The following FASN variants were observed in gnomAD, a reference collection of about 807,000 sequenced individuals.
The protein encoded by FASN is fatty acid synthase.
A neutral mutation model predicts 250.0 loss-of-function variants in FASN; 50 were observed. The ratio of observed to expected loss-of-function variants is 0.20; its 90% CI spans 0.16 to 0.25. The LOEUF is 0.25. FASN is among the 10% of genes least tolerant of loss of function. The pLI is 1.00. For synonymous variants in FASN, 1,909 were observed against 1,584.0 expected (o/e 1.21, Z -4.87); for missense variants, 3,031 against 3,498.5 (o/e 0.87, Z 3.37).
Position 82,082,916 on chromosome 17 carries a change from G to A in FASN, c.5765C>T (p.Thr1922Ile). 1 of 1,612,710 alleles carries A rather than the reference G, an allele frequency of 6.2e-7. No individual in the cohort carries two copies. The highest frequency in any genetic ancestry group is 8.5e-7 in the Non-Finnish European group (1 of 1,179,948). The change falls in exon 33 of 43, where the codon ACA becomes ATA. Residue 1922 changes from threonine (T) to isoleucine (I), a missense_variant and splice_region_variant. Thr to Ile is a moderately conservative substitution (Grantham distance 89). Transcript: ENST00000306749. ...LVLTSRSGIR[T>I]GYQAKQVRRW... ...CACAAGCACCCCTGCCGACTCACCTGTCCGGATCCCGGAGCGAGAAGTCAA... is the reference window on the plus strand; with the variant it reads ...CACAAGCACCCCTGCCGACTCACCTATCCGGATCCCGGAGCGAGAAGTCAA...
Position 82,079,282 on chromosome 17 carries a change from T to C in FASN, c.7399-2A>G. 6.2e-7 allele frequency: 1 copy of C among 1,612,988 alleles called. No homozygotes were observed. Among genetic ancestry groups the C allele is most frequent in the Non-Finnish European group, 8.5e-7 (1 of 1,179,922 alleles). On this transcript the variant is annotated splice_acceptor_variant, in intron 42 of 42. Transcript: ENST00000306749. LOFTEE classifies it high-confidence loss of function. ...GACGGATACTTTCCCGTCGCATACCTGCAGGGGATGCGATCAGCTGCCGTC... is the reference window on the plus strand; with the variant it reads ...GACGGATACTTTCCCGTCGCATACCCGCAGGGGATGCGATCAGCTGCCGTC...
chr17:82,097,371 G>A (rs1185349359), intron 1 of FASN: 2 of 152,358 alleles, frequency 1.3e-5, no homozygotes, highest in Non-Finnish European at 2.9e-5. Context: ...GGGGGGAGGG[G>A]GCGGAGGCCA....
At chr17:82,082,201 A>C (rs1222218191) in intron 35 of FASN, 41 bp from the exon 36 acceptor site, 1 of 1,600,936 alleles carries the variant, frequency 6.2e-7, no homozygotes. Flanking sequence ...CAGCATCCCC[A>C]GGAGCCCCCA....
chr17:82,090,825 G>C (rs905351004), intron 10 of FASN, 57 bp downstream of exon 10: 1 of 1,540,478 alleles, frequency 6.5e-7, no homozygotes, highest in East Asian at 2.4e-5. Flanking sequence ...CTGGGCTCCA[G>C]GGAAAGCCAG....
intron 41 of FASN, 116 bp downstream of exon 41, chr17:82,080,024 G>A: frequency 8.8e-7 from 1 of 1,137,012 alleles, no homozygotes; most frequent in East Asian, 2.4e-5. Context: ...GGCTATTAAA[G>A]GGGTGAAGTT....
At chr17:82,094,217 C>G (rs914020687) in intron 3 of FASN, 3 of 277,514 alleles carry the variant, frequency 1.1e-5, no homozygotes, top group African/African-American at 2.2e-5. Context: ...GATAAGGAAC[C>G]GAGGAGACAA....
rs911134616 is a variant in FASN, at chr17:82,079,998, G to T, written c.7146+142C>A. Reference sequence around the variant, plus strand: ...GCCGGGATTACAGGCATGAGCAACCGCATCCGGCCGGGATCGGCTATTAAA... The same window carrying T: ...GCCGGGATTACAGGCATGAGCAACCTCATCCGGCCGGGATCGGCTATTAAA... On this transcript the variant is annotated intron_variant, in intron 41 of 42. Coordinates refer to ENST00000306749, the MANE Select transcript of FASN (RefSeq NM_004104.5). 5 of 934,150 alleles carry T rather than the reference G, an allele frequency of 5.4e-6. No homozygotes were observed. In the East Asian group the frequency reaches 1.3e-4, roughly 24 times the overall value. The allele number at this position is 934,150 out of a possible 1,614,324, so 57.9% of individuals were successfully genotyped here. A position where few individuals can be genotyped will look rare whatever the true frequency, so the allele number is the denominator to read the frequency against.
Position 82,085,297 on chromosome 17 carries a change from C to T in FASN, c.4228G>A (p.Asp1410Asn), listed in dbSNP as rs1362591617. 1 of 1,611,408 alleles carries T rather than the reference C, an allele frequency of 6.2e-7. No homozygotes were observed. Among genetic ancestry groups the T allele is most frequent in the Non-Finnish European group, 8.5e-7 (1 of 1,179,478 alleles). ...TCCACCGGCAGGAAGATGGGGCTGT[C>T]CTGCGGGGTGGGCCGGCGGCACAGG... is the stretch of plus-strand genomic sequence containing the variant. ...LFLCRRPTPQ[D>N]SPIFLPVDDT... Residue 1410 changes from aspartate to asparagine, a missense_variant, in exon 24 of 43, where the codon GAC becomes AAC. Transcript: ENST00000306749.
chr17:82,085,660 C>T lies in FASN; in HGVS notation c.3944G>A (p.Cys1315Tyr). 6.9e-6 allele frequency: 11 copies of T among 1,591,120 alleles called. No homozygotes were observed. Among genetic ancestry groups the T allele is most frequent in the Non-Finnish European group, 9.4e-6 (11 of 1,169,646 alleles). The stretch of plus-strand genomic sequence containing the variant: ...CCCGAGGGCAGCCACAGCACAGTTG[C>T]ACACCAGGAGGTCGGCGCTGCCCAG... ...SALGSADLLV[C>Y]NCAVAALGDP... Residue 1315 changes from cysteine (C) to tyrosine (Y), a missense_variant, in exon 23 of 43, where the codon TGC becomes TAC. Physicochemically the swap from Cys to Tyr is radical, Grantham distance 194 (BLOSUM62 -2). Coordinates refer to ENST00000306749, the MANE Select transcript of FASN (RefSeq NM_004104.5).
At position 82,079,548 on chromosome 17, in the gene FASN, G is replaced by C; in HGVS notation, c.7207C>G (p.Leu2403Val). The change falls in exon 42 of 43, where the codon CTG becomes GTG. Residue 2403 changes from leucine to valine, a missense_variant. Physicochemically the swap from Leu to Val is conservative, Grantham distance 32 (BLOSUM62 1). Transcript: ENST00000306749. Reference protein sequence around the residue: ...LEERVAAAVDLIIKSHQGLDR... With the variant: ...LEERVAAAVDVIIKSHQGLDR... ...AGGCCCTGGTGGCTCTTGATGATCA[G>C]GTCCACGGCGGCTGCCACACGCTCC... The C allele has an allele frequency of 6.2e-7, 1 of 1,608,154 alleles. No homozygotes were observed.
chr17:82,083,903 A>T lies in FASN; in HGVS notation c.5099-12T>A. ...CTTCTCAGCCGACCCTGGTGAAGAGAGGAAGCGCGGCTGGTGAGCCAGGGC... is the reference window on the plus strand; with the variant it reads ...CTTCTCAGCCGACCCTGGTGAAGAGTGGAAGCGCGGCTGGTGAGCCAGGGC... On this transcript the variant is annotated splice_polypyrimidine_tract_variant and intron_variant, in intron 29 of 42. Coordinates refer to ENST00000306749, the MANE Select transcript of FASN (RefSeq NM_004104.5). 6.4e-7 allele frequency: 1 copy of T among 1,558,910 alleles called. No homozygotes were observed. Among genetic ancestry groups the T allele is most frequent in the Non-Finnish European group, 8.7e-7 (1 of 1,151,388 alleles).
chr17:82,090,275 C>G (rs1025010927), intron 11 of FASN, 100 bp downstream of exon 11: 3 of 1,247,804 alleles, frequency 2.4e-6, no homozygotes, highest in Admixed American at 2.3e-5. Context: ...GGGGGCCACT[C>G]TATCCTACGG....
At position 82,087,169 on chromosome 17, in the gene FASN, G is replaced by A. The variant is rs1260842268; in HGVS notation, c.3308C>T (p.Pro1103Leu). The A allele has an allele frequency of 1.2e-6, 2 of 1,609,604 alleles. No individual in the cohort carries two copies. Among genetic ancestry groups the A allele is most frequent in the South Asian group, 1.1e-5 (1 of 90,474 alleles). ...HISGLHTESA[P>L]RRQQEQQVPI... Reference sequence around the variant, plus strand: ...CACCTGCTGCTCCTGCTGCCGCCGCGGGGCCGACTCAGTGTGGAGCCCGGA... The same window carrying A: ...CACCTGCTGCTCCTGCTGCCGCCGCAGGGCCGACTCAGTGTGGAGCCCGGA... The change falls in exon 21 of 43, where the codon CCG (proline) becomes CTG (leucine). Residue 1103 changes from proline to leucine, a missense_variant. Coordinates refer to ENST00000306749, the MANE Select transcript of FASN (RefSeq NM_004104.5).
Position 82,087,945 on chromosome 17 carries a change from C to T in FASN, c.2866+9G>A. ...CCTCCGCAGCTCCCGTGCCACCGGCCCTGCTTACCACTCACTACCAGGTTG... is the reference window on the plus strand; with the variant it reads ...CCTCCGCAGCTCCCGTGCCACCGGCTCTGCTTACCACTCACTACCAGGTTG... On this transcript the variant is annotated intron_variant, in intron 18 of 42. Transcript: ENST00000306749. 1.2e-6 allele frequency: 2 copies of T among 1,612,666 alleles called. No individual in the cohort carries two copies. The highest frequency in any genetic ancestry group is 8.5e-7 in the Non-Finnish European group (1 of 1,179,924).
Position 82,083,863 on chromosome 17 carries a change from C to G in FASN, c.5127G>C (p.Gln1709His). ...VGSAEKRAYL[Q>H]ARFPQLDSTS... ...TGCTGTCGAGCTGGGGGAACCTGGCCTGGAGGTACGCCCGCTTCTCAGCCG... is the reference window on the plus strand; with the variant it reads ...TGCTGTCGAGCTGGGGGAACCTGGCGTGGAGGTACGCCCGCTTCTCAGCCG... Residue 1709 changes from glutamine (Q) to histidine (H), a missense_variant, in exon 30 of 43, where the codon CAG (glutamine) becomes CAC (histidine). Gln to His is a conservative substitution (Grantham distance 24). Transcript: ENST00000306749. The G allele has an allele frequency of 1.3e-6, 2 of 1,583,910 alleles. No individual in the cohort carries two copies. Among genetic ancestry groups the G allele is most frequent in the Admixed American group, 1.8e-5 (1 of 54,586 alleles).
At position 82,079,378 on chromosome 17, in the gene FASN, G is replaced by T; in HGVS notation, c.7377C>A (p.Gly2459=). 1.2e-6 allele frequency: 2 copies of T among 1,612,934 alleles called. No individual in the cohort carries two copies. Among genetic ancestry groups the T allele is most frequent in the South Asian group, 1.1e-5 (1 of 91,092 alleles). Residue 2459 remains glycine, a synonymous_variant, in exon 42 of 43, where the codon GGC becomes GGA. Transcript: ENST00000306749. ...KTGGAYGEDL[G]ADYNLSQVCD... ...GCACCTGGGAGAGGTTGTAGTCCGC[G>T]CCCAGGTCCTCGCCGTAGGCGCCAC...
intron 41 of FASN, 137 bp from the exon 42 acceptor site, chr17:82,079,745 C>A: frequency 8.2e-7 from 1 of 1,219,732 alleles, no homozygotes; most frequent in South Asian, 1.6e-5. Flanking sequence ...GGGGCGATCT[C>A]AGCTCACCGC....
In FASN at chr17:82,093,661, T is replaced by TGCG; in HGVS notation, c.390_391insCGC (p.Tyr130_Ser131insArg). 1 of 1,612,738 alleles carries TGCG rather than the reference T, an allele frequency of 6.2e-7. No individual in the cohort carries two copies. The highest frequency in any genetic ancestry group is 8.5e-7 in the Non-Finnish European group (1 of 1,179,958). ...ATCGCTCGCTGGCAGCCCACCATGCTGTAGCCCACGAGTGTCTCGGGGTCT... is the reference window on the plus strand; with the variant it reads ...ATCGCTCGCTGGCAGCCCACCATGCTGCGGTAGCCCACGAGTGTCTCGGGGTCT... On this transcript the variant is annotated inframe_insertion, in exon 4 of 43. Transcript: ENST00000306749.
At chr17:82,089,827 G>A (rs994739194) in intron 11 of FASN, 101 bp from the exon 12 acceptor site, 107 of 1,028,500 alleles carry the variant, frequency 1.0e-4, no homozygotes, top group Non-Finnish European at 1.5e-4. Context: ...GTAATGACAA[G>A]TGTGGTAATG....
Sources: allele counts gnomAD v4.1 joint callset, GRCh38; gene constraint gnomAD v4.1.1; transcripts MANE v1.5; gene names NCBI Gene and HGNC (gene_info 2026-07-23, HGNC 2026-07-21).